Variants in BCL2L13 observed in about 807,000 individuals in gnomAD.
The protein encoded by BCL2L13 is bcl-2-like protein 13.
In BCL2L13, 13 loss-of-function variants were observed where a neutral mutation model predicts 25.8. That is an observed-to-expected ratio of 0.50 (90% confidence interval 0.33 to 0.80). The LOEUF (loss-of-function observed/expected upper bound fraction) is 0.80, where lower values mean the gene tolerates loss of function less well. Ranked by LOEUF, BCL2L13 falls within the 30% of genes least tolerant of loss-of-function variation. The pLI is 0.02. For synonymous variants in BCL2L13, 244 were observed against 230.3 expected, an observed-to-expected ratio of 1.06 and a Z score of -0.54; for missense variants, 504 against 574.9, an observed-to-expected ratio of 0.88 and a Z score of 1.26.
intron 6 of BCL2L13, among the ~76,000 whole-genome samples, chr22:17,723,098 C>T (rs1042338102): frequency 3.9e-5 from 6 of 152,120 alleles, no homozygotes; most frequent in African/African-American, 1.2e-4. Context: ...TTACAGCTTC[C>T]GGTTAGGATC....
chr22:17,702,208 G>A (rs938566743), intron 5 of BCL2L13, 35 bp from the exon 6 acceptor site: 3 of 1,519,640 alleles, frequency 2.0e-6, no homozygotes, highest in African/African-American at 1.4e-5. Flanking sequence ...AAGAATTTCA[G>A]TGTGGTTTTT....
intron 1 of BCL2L13, among the ~76,000 whole-genome samples, chr22:17,629,548 C>T (rs545185602): frequency 2.6e-5 from 4 of 152,252 alleles, no homozygotes; most frequent in African/African-American, 7.2e-5. Flanking sequence ...ACCTCAAGCC[C>T]GTTTTTTTCC....
At position 17,702,393 on chromosome 22, in the gene BCL2L13, G is replaced by A. The variant is rs1401405595; in HGVS notation, c.600+7G>A. ...CATTCAGCAAGGTGGCTGGGTATGA[G>A]CTGTTATATATTAAAAATATTTTCT... On this transcript the variant is annotated splice_region_variant and intron_variant, in intron 6 of 6. Transcript: ENST00000317582. 2 of 1,561,556 alleles carry A rather than the reference G, an allele frequency of 1.3e-6. No individual in the cohort carries two copies. Among genetic ancestry groups the A allele is most frequent in the East Asian group, 2.3e-5 (1 of 42,668 alleles).
At chr22:17,639,020 G>GACA (rs2058169456) in intron 1 of BCL2L13, 134 bp downstream of exon 1, 1 of 711,508 alleles carries the variant, frequency 1.4e-6, no homozygotes, top group Non-Finnish European at 1.9e-6. Context: ...TTGAGTGTGT[G>GACA]TGTCTACACC....
chr22:17,723,164 GTCCCTCTCCCTCTC>G (rs1267443260), intron 6 of BCL2L13, among the ~76,000 whole-genome samples: 1 of 151,842 alleles, frequency 6.6e-6, no homozygotes, highest in East Asian at 1.9e-4. Flanking sequence ...CTCTCTATCT[GTCCCTCTCCCTCTC>G]TCCCTCTCTC....
chr22:17,726,896 G>A lies in BCL2L13; in HGVS notation c.820G>A (p.Glu274Lys), dbSNP rs774377804. The A allele has an allele frequency of 6.2e-7, 1 of 1,614,202 alleles. No individual in the cohort carries two copies. The highest frequency in any genetic ancestry group is 1.1e-5 in the South Asian group (1 of 91,070). The change falls in exon 7 of 7, where the codon GAG (glutamate) becomes AAG (lysine). Residue 274 changes from glutamate (E) to lysine (K), a missense_variant. By Grantham distance (56) the Glu-to-Lys change is moderately conservative. Transcript: ENST00000317582. Reference sequence around the variant, plus strand: ...AAGCCTGCCAGTGTCACTAGGCCCTGAGTCCTGGCAGCAGATTGCAATGGA... The same window carrying A: ...AAGCCTGCCAGTGTCACTAGGCCCTAAGTCCTGGCAGCAGATTGCAATGGA... Reference protein sequence around the residue: ...TESLPVSLGPESWQQIAMDPE... With the variant: ...TESLPVSLGPKSWQQIAMDPE...
chr22:17,683,415 A>C, intron 3 of BCL2L13, 94 bp downstream of exon 3: 3 of 671,152 alleles, frequency 4.5e-6, no homozygotes, highest in Non-Finnish European at 7.5e-6. Flanking sequence ...GGGTATTCTC[A>C]ACAGTTAACA....
chr22:17,631,814 C>T (rs1373273478), intron 1 of BCL2L13, among the ~76,000 whole-genome samples: 3 of 144,744 alleles, frequency 2.1e-5, no homozygotes, highest in African/African-American at 7.7e-5. Context: ...TTCCACCTCC[C>T]GGGTTCAAGT....
At chr22:17,667,963 C>CTT (rs71201863) in intron 2 of BCL2L13, among the ~76,000 whole-genome samples, 110 of 71,664 alleles carry the variant, frequency 1.5e-3, no homozygotes, top group African/African-American at 4.0e-3. Context: ...TCCAGTTTGT[C>CTT]TTTTTTTTTT....
intron 1 of BCL2L13, among the ~76,000 whole-genome samples, chr22:17,653,495 A>AT (rs34652783): frequency 0.023 from 2,595 of 110,678 alleles, 46 homozygotes; most frequent in Non-Finnish European, 0.031. Context: ...CTCCAGTATG[A>AT]TTTTTTTTTT....
chr22:17,706,326 CTTG>C (rs1290272882), intron 6 of BCL2L13, among the ~76,000 whole-genome samples: 2 of 150,828 alleles, frequency 1.3e-5, no homozygotes, highest in East Asian at 3.9e-4. Context: ...CTCTTTCTAC[CTTG>C]TTTTTTTTTT....
chr22:17,635,930 C>G (rs1157154649), upstream of BCL2L13, among the ~76,000 whole-genome samples: 15 of 150,000 alleles, frequency 1.0e-4, no homozygotes, highest in Non-Finnish European at 2.2e-4. Flanking sequence ...AGGATGGTCT[C>G]CATCTCCTGA....
At chr22:17,652,920 C>T (rs539666893) in intron 1 of BCL2L13, among the ~76,000 whole-genome samples, 11 of 151,978 alleles carry the variant, frequency 7.2e-5, no homozygotes, top group African/African-American at 2.7e-4. Flanking sequence ...AAAAAATTAG[C>T]CGGGCGTGGT....
intron 2 of BCL2L13, among the ~76,000 whole-genome samples, chr22:17,679,841 T>C (rs2059682606): frequency 6.6e-6 from 1 of 152,076 alleles, no homozygotes; most frequent in Non-Finnish European, 1.5e-5. Context: ...TTTCCCCTTA[T>C]TACCAACCAC....
intron 1 of BCL2L13, among the ~76,000 whole-genome samples, chr22:17,651,649 C>T (rs552633554): frequency 6.6e-6 from 1 of 151,070 alleles, no homozygotes; most frequent in African/African-American, 2.4e-5. Context: ...CCCCAAAGTG[C>T]TGGGATTACA....
upstream of BCL2L13, among the ~76,000 whole-genome samples, chr22:17,637,129 A>G (rs915852078): frequency 6.6e-6 from 1 of 151,816 alleles, no homozygotes; most frequent in Non-Finnish European, 1.5e-5. Context: ...TTAAAAAGCC[A>G]GGCACGGTGG....
chr22:17,723,416 G>A (rs923868762), intron 6 of BCL2L13, among the ~76,000 whole-genome samples: 1 of 152,158 alleles, frequency 6.6e-6, no homozygotes, highest in South Asian at 2.1e-4. Context: ...GAGGAGGAAG[G>A]AAAAGTTTGT....
chr22:17,697,324 G>A (rs2060294741), intron 5 of BCL2L13, among the ~76,000 whole-genome samples: 1 of 152,100 alleles, frequency 6.6e-6, no homozygotes, highest in Non-Finnish European at 1.5e-5. Context: ...TGTAGTCTCA[G>A]CTACTCAGGA....
At chr22:17,657,855 T>G (rs940293383) in intron 2 of BCL2L13, among the ~76,000 whole-genome samples, 2 of 134,372 alleles carry the variant, frequency 1.5e-5, no homozygotes, top group African/African-American at 5.6e-5. Context: ...GAGATGAGTC[T>G]TGTTCTGTCA....
Sources: gnomAD v4.1 joint callset for allele counts (sites outside exome capture counted in the v4.1 genomes callset) on GRCh38, gnomAD v4.1.1 for gene constraint, MANE v1.5 for transcripts, NCBI Gene and HGNC (gene_info 2026-07-23, HGNC 2026-07-21) for gene names.